Variants in MYO9B observed in about 807,000 individuals in gnomAD.
The protein encoded by MYO9B is myosin IXB, also known as unconventional myosin-IXb.
Under a neutral mutation model 229.5 loss-of-function variants are expected in MYO9B, and 71 were observed. The ratio of observed to expected loss-of-function variants is 0.31; its 90% CI spans 0.26 to 0.38. The LOEUF (loss-of-function observed/expected upper bound fraction) is 0.38, where lower values mean the gene tolerates loss of function less well. MYO9B is among the 10% of genes least tolerant of loss of function. The pLI, the probability that MYO9B is intolerant of heterozygous loss-of-function variation, is 1.00. For synonymous variants in MYO9B, 1,185 were observed against 1,235.8 expected, an observed-to-expected ratio of 0.96 and a Z score of 0.86; for missense variants, 2,255 against 2,920.5, an observed-to-expected ratio of 0.77 and a Z score of 5.25.
chr19:17,200,282 T>A lies in MYO9B; in HGVS notation c.4239-11T>A, dbSNP rs1293154380. On this transcript the variant is annotated splice_polypyrimidine_tract_variant and intron_variant, in intron 24 of 39. Transcript: ENST00000682292. ...TCAGACTTAAAAGAAGCCACGTACT[T>A]TCTCCTGCAGATCCACGTTTAAGAG... 1.2e-6 allele frequency: 2 copies of A among 1,603,562 alleles called. No homozygotes were observed. Among genetic ancestry groups the A allele is most frequent in the Non-Finnish European group, 1.7e-6 (2 of 1,177,010 alleles).
intron 21 of MYO9B, among the ~76,000 whole-genome samples, chr19:17,194,158 C>T (rs980150269): frequency 1.4e-5 from 2 of 141,378 alleles, no homozygotes; most frequent in African/African-American, 2.5e-5. Flanking sequence ...GACAACAGAG[C>T]GAGACTCTGT....
rs539630791 is a variant in MYO9B at position 17,200,681 on chromosome 19, G to A, written c.4415G>A (p.Arg1472His). The A allele has an allele frequency of 3.5e-5, 57 of 1,613,880 alleles. No individual in the cohort carries two copies. Among genetic ancestry groups the A allele is most frequent in the South Asian group, 6.6e-5 (6 of 91,086 alleles). Reference protein sequence around the residue: ...QQHRHAAGEKRTKEPGGKGKK... With the variant: ...QQHRHAAGEKHTKEPGGKGKK... ...CATCGCCACGCTGCAGGTGAGAAGC[G>A]CACCAAGGAACCAGGAGGCAAAGGG... Residue 1472 changes from arginine to histidine, a missense_variant, in exon 26 of 40, where the codon CGC (arginine) becomes CAC (histidine). This residue lies in a region of MYO9B where 679 missense variants were observed against 770.2 expected (regional missense o/e 0.88). Transcript: ENST00000682292.
chr19:17,182,082 T>C (rs1599400701), intron 15 of MYO9B, among the ~76,000 whole-genome samples: 1 of 151,530 alleles, frequency 6.6e-6, no homozygotes, highest in African/African-American at 2.4e-5. Flanking sequence ...TTTTTTTTTT[T>C]TTCTTTTTTA....
At chr19:17,098,095 C>T (rs1271227190) in intron 1 of MYO9B, among the ~76,000 whole-genome samples, 1 of 150,246 alleles carries the variant, frequency 6.7e-6, no homozygotes, top group Admixed American at 6.6e-5. Context: ...CACTCTGTCG[C>T]CCAGGCCAGA....
chr19:17,086,442 A>G (rs73518838), intron 1 of MYO9B, among the ~76,000 whole-genome samples: 3,569 of 152,234 alleles, frequency 0.023, 158 homozygotes, highest in African/African-American at 0.082. Flanking sequence ...TCCTATCCCC[A>G]GCTTCCCCAC....
intron 17 of MYO9B, among the ~76,000 whole-genome samples, 160 bp from the exon 18 acceptor site, chr19:17,185,761 C>A (rs1419064596): frequency 2.0e-5 from 3 of 152,140 alleles, no homozygotes; most frequent in Non-Finnish European, 2.9e-5. Flanking sequence ...TGGGTCAGAA[C>A]GTCCAGCTGG....
intron 3 of MYO9B, among the ~76,000 whole-genome samples, chr19:17,151,388 T>G (rs1368682462): frequency 6.6e-6 from 1 of 151,746 alleles, no homozygotes; most frequent in Non-Finnish European, 1.5e-5. Context: ...CCAAGGACAC[T>G]GTGACAAAAT....
intron 22 of MYO9B, among the ~76,000 whole-genome samples, chr19:17,196,263 GAC>G (rs2073042111): frequency 6.6e-6 from 1 of 151,824 alleles, no homozygotes; most frequent in African/African-American, 2.4e-5. Context: ...ATGAATGGAA[GAC>G]AGATATAGAT....
chr19:17,095,771 T>TC (rs2057682000), intron 1 of MYO9B: 1 of 152,250 alleles, frequency 6.6e-6, no homozygotes. Context: ...TCAGGCTTCT[T>TC]CTTTTTTTTG....
At chr19:17,206,625 C>T (rs1480759844) in intron 33 of MYO9B, 54 bp from the exon 34 acceptor site, 7 of 1,476,166 alleles carry the variant, frequency 4.7e-6, no homozygotes, top group Non-Finnish European at 9.3e-7. Context: ...GTGGGGACAA[C>T]AGGCACCTTG....
In MYO9B at chr19:17,192,858, A is replaced by G; in HGVS notation, c.2924A>G (p.His975Arg). The change falls in exon 21 of 40, where the codon CAC becomes CGC. Residue 975 changes from histidine to arginine, a missense_variant. Around this residue, in one of 7 missense-constraint regions of MYO9B, gnomAD observed 679 missense variants for 770.2 expected, o/e 0.88. Coordinates refer to ENST00000682292, the MANE Select transcript of MYO9B (RefSeq NM_004145.4). ...SWFRMVLERR[H>R]FLQMKRAAVT... ...TTCCGGATGGTGCTGGAGCGTCGGC[A>G]CTTCCTGCAGATGAAGCGGGCCGCC... 1 of 1,551,392 alleles carries G rather than the reference A, an allele frequency of 6.4e-7. No individual in the cohort carries two copies. The highest frequency in any genetic ancestry group is 8.7e-7 in the Non-Finnish European group (1 of 1,147,642).
chr19:17,158,904 A>G (rs771675447), intron 7 of MYO9B, among the ~76,000 whole-genome samples: 3 of 152,250 alleles, frequency 2.0e-5, no homozygotes, highest in Non-Finnish European at 4.4e-5. Context: ...GTAAAACAGT[A>G]CATCGCAGGC....
intron 2 of MYO9B, among the ~76,000 whole-genome samples, chr19:17,125,950 G>A (rs1291362759): frequency 6.6e-6 from 1 of 152,208 alleles, no homozygotes; most frequent in African/African-American, 2.4e-5. Context: ...TGAGCCTGCA[G>A]CTGCCTCCTG....
chr19:17,159,299 G>T, intron 7 of MYO9B, 96 bp from the exon 8 acceptor site: 1 of 1,148,714 alleles, frequency 8.7e-7, no homozygotes. Context: ...TCTCCCAGCT[G>T]CCTCAGGCTC....
chr19:17,108,594 CT>C (rs1447945483), intron 2 of MYO9B, among the ~76,000 whole-genome samples: 1 of 152,196 alleles, frequency 6.6e-6, no homozygotes, highest in Non-Finnish European at 1.5e-5. Flanking sequence ...AAATCACCCC[CT>C]GGGAATAGAA....
chr19:17,109,036 ATTTATTTATTTATTTATTT>A (rs2057821391), intron 2 of MYO9B, among the ~76,000 whole-genome samples: 4 of 20,116 alleles, frequency 2.0e-4, no homozygotes, highest in African/African-American at 5.5e-4. Flanking sequence ...TTTTAATTTT[ATTTATTTATTTATTTATTT>A]ATTTATTTAT....
intron 2 of MYO9B, among the ~76,000 whole-genome samples, chr19:17,113,617 G>A (rs2057870413): frequency 1.3e-5 from 2 of 152,292 alleles, no homozygotes; most frequent in South Asian, 2.1e-4. Context: ...CTGACCGCAA[G>A]CTACTGAAGG....
At chr19:17,167,110 C>T (rs1297443665) in intron 10 of MYO9B, among the ~76,000 whole-genome samples, 1 of 148,094 alleles carries the variant, frequency 6.8e-6, no homozygotes, top group Non-Finnish European at 1.5e-5. Context: ...ACTGGTTGAA[C>T]ATCCCAAATC....
chr19:17,158,620 C>T (rs1040553949), intron 7 of MYO9B, among the ~76,000 whole-genome samples: 3 of 151,732 alleles, frequency 2.0e-5, no homozygotes, highest in South Asian at 4.2e-4. Flanking sequence ...AGAAAGCTGC[C>T]GCTTATTCCC....
Sources: allele counts gnomAD v4.1 joint callset (sites outside exome capture counted in the v4.1 genomes callset), GRCh38; gene constraint gnomAD v4.1.1; regional missense constraint gnomAD v4.1.1; transcripts MANE v1.5; gene names NCBI Gene and HGNC (gene_info 2026-07-23, HGNC 2026-07-21).